The following CD22 variants were observed in gnomAD, a reference collection of about 807,000 sequenced individuals.
CD22 encodes the protein B-cell receptor CD22.
Under a neutral mutation model 94.7 loss-of-function variants are expected in CD22, and 51 were observed. That is an observed-to-expected ratio of 0.54 (90% CI 0.43 to 0.68). The LOEUF is 0.68. Among genes scored for constraint, CD22 ranks in the 30% least tolerant of loss-of-function variants. The pLI, the probability that CD22 is intolerant of heterozygous loss-of-function variation, is 0.00. For synonymous variants in CD22, 424 were observed against 422.5 expected, an observed-to-expected ratio of 1.00 and a Z score of -0.04; for missense variants, 931 against 1,060.4, an observed-to-expected ratio of 0.88 and a Z score of 1.69.
At position 35,346,609 on chromosome 19, in the gene CD22, G is replaced by T. The variant is rs765860846; in HGVS notation, c.2456G>T (p.Gly819Val). ...ATTCCAGATTTTCCAGAAGATGAGG[G>T]GATTCATTACTCAGAGCTGATCCAG... ...NVIPDFPEDE[G>V]IHYSELIQFG... The change falls in exon 14 of 14, where the codon GGG becomes GTG. Residue 819 changes from glycine to valine, a missense_variant. Coordinates refer to ENST00000085219, the MANE Select transcript of CD22 (RefSeq NM_001771.4). The T allele has an allele frequency of 1.2e-6, 2 of 1,606,152 alleles. No homozygotes were observed. The highest frequency in any genetic ancestry group is 4.5e-5 in the East Asian group (2 of 44,708).
intron 12 of CD22, 76 bp from the exon 13 acceptor site, chr19:35,346,075 G>GGCTCT: frequency 8.9e-7 from 1 of 1,126,990 alleles, no homozygotes; most frequent in Non-Finnish European, 1.3e-6. Context: ...TGCTGTTGGG[G>GGCTCT]GCTCTGGGTG....
chr19:35,345,668 G>A lies in CD22; in HGVS notation c.2275G>A (p.Gly759Ser). The A allele has an allele frequency of 6.2e-7, 1 of 1,613,942 alleles. No homozygotes were observed. Among genetic ancestry groups the A allele is most frequent in the Non-Finnish European group, 8.5e-7 (1 of 1,179,874 alleles). ...ATGCTACAATCCAATGATGGAAGAT[G>A]GCATTAGCTACACCACCCTGCGCTT... is the stretch of plus-strand genomic sequence containing the variant. Reference protein sequence around the residue: ...LGCYNPMMEDGISYTTLRFPE... With the variant: ...LGCYNPMMEDSISYTTLRFPE... Residue 759 changes from glycine (G) to serine (S), a missense_variant, in exon 12 of 14, where the codon GGC becomes AGC. By Grantham distance (56) the Gly-to-Ser change is moderately conservative. Coordinates refer to ENST00000085219, the MANE Select transcript of CD22 (RefSeq NM_001771.4).
chr19:35,340,761 T>G, intron 6 of CD22, 120 bp from the exon 7 acceptor site: 16 of 1,042,236 alleles, frequency 1.5e-5, no homozygotes, highest in East Asian at 5.0e-5. Context: ...AAGCCCCCCT[T>G]TGATTAATTT....
chr19:35,345,494 G>T (rs758564429), intron 11 of CD22, 108 bp from the exon 12 acceptor site: 2 of 688,978 alleles, frequency 2.9e-6, no homozygotes, highest in Admixed American at 4.7e-5. Context: ...ACAAGGTGAA[G>T]GAAGGGGATA....
intron 12 of CD22, 102 bp downstream of exon 12, chr19:35,345,822 C>G (rs1000176298): frequency 4.9e-6 from 4 of 824,116 alleles, no homozygotes; most frequent in Non-Finnish European, 6.2e-6. Flanking sequence ...TGCCAGGCAC[C>G]CTGATACATG....
At chr19:35,331,943 C>A in intron 1 of CD22, 76 bp from the exon 2 acceptor site, 1 of 1,609,474 alleles carries the variant, frequency 6.2e-7, no homozygotes, top group South Asian at 1.1e-5. Context: ...GGTCGGAGCT[C>A]AGTGGGTGAG....
chr19:35,341,125 C>G lies in CD22; in HGVS notation c.1494C>G (p.Ala498=). 1 of 1,614,116 alleles carries G rather than the reference C, an allele frequency of 6.2e-7. No homozygotes were observed. Among genetic ancestry groups the G allele is most frequent in the Non-Finnish European group, 8.5e-7 (1 of 1,180,026 alleles). The change falls in exon 7 of 14, where the codon GCC becomes GCG. Residue 498 remains alanine, a synonymous_variant. Transcript: ENST00000085219. The surrounding 1 kb of genome is among the most constrained non-coding windows in gnomAD (Gnocchi z 4.0). ...GGTGCTCGTGGGCCTCCCCTGTCGC[C>G]CTGAATGTCCAGTGTGAGTCCCTGG... is the stretch of plus-strand genomic sequence containing the variant. ...NSWCSWASPV[A]LNVQYAPRDV...
chr19:35,342,841 C>G (rs1174489432), intron 9 of CD22, among the ~76,000 whole-genome samples: 1 of 151,792 alleles, frequency 6.6e-6, no homozygotes. Context: ...AACGGAGTCT[C>G]GATCTGTCAC....
Position 35,341,194 on chromosome 19 carries a change from G to T in CD22, c.1507+56G>T. 1 of 1,610,018 alleles carries T rather than the reference G, an allele frequency of 6.2e-7. No homozygotes were observed. Among genetic ancestry groups the T allele is most frequent in the Admixed American group, 1.7e-5 (1 of 59,922 alleles). On this transcript the variant is annotated intron_variant, in intron 7 of 13. Transcript: ENST00000085219. The surrounding 1 kb of genome is among the most constrained non-coding windows in gnomAD (Gnocchi z 4.0). ...GGAGGTGGCCCGGCTGGGATGAGGGGATGAAGGCAACGAGGCCGGAGCCTG... is the reference window on the plus strand; with the variant it reads ...GGAGGTGGCCCGGCTGGGATGAGGGTATGAAGGCAACGAGGCCGGAGCCTG...
chr19:35,341,862 G>A lies in CD22; in HGVS notation c.1932G>A (p.Leu644=). The A allele has an allele frequency of 6.2e-7, 1 of 1,614,140 alleles. No homozygotes were observed. The highest frequency in any genetic ancestry group is 8.5e-7 in the Non-Finnish European group (1 of 1,180,030). Residue 644 remains leucine, a synonymous_variant, in exon 9 of 14, where the codon CTG becomes CTA. Coordinates refer to ENST00000085219, the MANE Select transcript of CD22 (RefSeq NM_001771.4). This position sits in a 1 kb window ranked among gnomAD's most constrained non-coding sequence, Gnocchi z 4.0. ...GCCTCCCCTACCACAGCCAGAAGCTGAGATTGGAGCCGGTGAAGGTCCAGC... is the reference window on the plus strand; with the variant it reads ...GCCTCCCCTACCACAGCCAGAAGCTAAGATTGGAGCCGGTGAAGGTCCAGC... ...NQSLPYHSQK[L]RLEPVKVQHS...
In CD22 at chr19:35,344,783, A is replaced by G. The variant is rs372536643; in HGVS notation, c.2036-46A>G. 1.5e-4 allele frequency: 216 copies of G among 1,407,626 alleles called. 2 individuals carry two copies. The South Asian group carries it at 2.6e-3, about 17-fold the overall frequency. 87.2% of individuals were successfully genotyped at this position (1,407,626 alleles called of 1,614,324 possible). A position where few individuals can be genotyped will look rare whatever the true frequency, so the allele number is the denominator to read the frequency against. ...GCCTTCCAGGCAAAGGCTGCCAGGG[A>G]GAGCTGGCCCCTCAGTTGATTAAGG... On this transcript the variant is annotated intron_variant, in intron 9 of 13. Transcript: ENST00000085219.
chr19:35,345,512 C>G lies in CD22; in HGVS notation c.2209-90C>G, dbSNP rs759999570. 78 of 772,548 alleles carry G rather than the reference C, an allele frequency of 1.0e-4. 1 individual carries two copies. Among genetic ancestry groups the G allele is most frequent in the Admixed American group, 4.8e-4 (23 of 47,662 alleles). 47.9% of individuals were successfully genotyped at this position (772,548 alleles called of 1,614,324 possible). A position where few individuals can be genotyped will look rare whatever the true frequency, so the allele number is the denominator to read the frequency against. ...AGGTGAAGGAAGGGGATAAAATGTC[C>G]TCTGAGGAGACCTGGGCTGTCAGAG... On this transcript the variant is annotated intron_variant, in intron 11 of 13. Transcript: ENST00000085219.
chr19:35,331,561 A>T (rs16970219), intron 1 of CD22: 1,620 of 158,718 alleles, frequency 0.01, 29 homozygotes, highest in African/African-American at 0.038. Flanking sequence ...CTCAGAAAAA[A>T]CTCCCGGCCA....
At chr19:35,342,047 TTCCTTC>T in intron 9 of CD22, 82 bp downstream of exon 9, 1 of 1,117,280 alleles carries the variant, frequency 9.0e-7, no homozygotes, top group African/African-American at 1.7e-5. Context: ...CCTTCCTTCC[TTCCTTC>T]CTTTCTTTCT....
chr19:35,342,771 C>T (rs2066835798), intron 9 of CD22, among the ~76,000 whole-genome samples: 2 of 152,144 alleles, frequency 1.3e-5, no homozygotes, highest in African/African-American at 2.4e-5. Context: ...TACTCTGTCT[C>T]TCTCAGCCCT....
chr19:35,340,674 C>T (rs2066794611), intron 6 of CD22, among the ~76,000 whole-genome samples: 1 of 152,256 alleles, frequency 6.6e-6, no homozygotes, highest in Admixed American at 6.5e-5. Flanking sequence ...GTGCCCTGAA[C>T]CCCTGCACCA....
intron 2 of CD22, 77 bp from the exon 3 acceptor site, chr19:35,332,470 A>G: frequency 7.1e-7 from 1 of 1,401,746 alleles, no homozygotes; most frequent in Non-Finnish European, 9.5e-7. Flanking sequence ...AAATTAAACA[A>G]ATTTTAAAAT....
intron 12 of CD22, among the ~76,000 whole-genome samples, chr19:35,345,923 C>A (rs10413500): frequency 6.6e-6 from 1 of 152,150 alleles, no homozygotes; most frequent in East Asian, 1.9e-4. Context: ...GCACACATGC[C>A]CAGTCCGTTC....
At position 35,332,912 on chromosome 19, in the gene CD22, C is replaced by A. The variant is rs748552865; in HGVS notation, c.400C>A (p.Leu134Ile). 25 of 1,613,340 alleles carry A rather than the reference C, an allele frequency of 1.5e-5. No individual in the cohort carries two copies. Among genetic ancestry groups the A allele is most frequent in the Non-Finnish European group, 2.0e-5 (24 of 1,179,348 alleles). The part of the protein sequence containing the change: ...KTEKWMERIH[L>I]NVSERPFPPH... ...TGAGAAATGGATGGAACGAATACACCTCAATGTCTCTGGTAAGGCCTTCGG... is the reference window on the plus strand; with the variant it reads ...TGAGAAATGGATGGAACGAATACACATCAATGTCTCTGGTAAGGCCTTCGG... The change falls in exon 3 of 14, where the codon CTC becomes ATC. Residue 134 changes from leucine to isoleucine, a missense_variant. Leu to Ile is a conservative substitution (Grantham distance 5). Coordinates refer to ENST00000085219, the MANE Select transcript of CD22 (RefSeq NM_001771.4).
Sources: allele counts gnomAD v4.1 joint callset (sites outside exome capture counted in the v4.1 genomes callset), GRCh38; gene constraint gnomAD v4.1.1; non-coding constraint Gnocchi (gnomAD v3.1); transcripts MANE v1.5; gene names NCBI Gene and HGNC (gene_info 2026-07-23, HGNC 2026-07-21).